The following RUFY2 variants were observed in gnomAD, a reference collection of about 807,000 sequenced individuals.
The protein encoded by RUFY2 is RUN and FYVE domain containing 2, also known as RUN and FYVE domain-containing protein 2.
RUFY2 carries 49 observed loss-of-function variants against 94.4 expected under a neutral mutation model. The observed-to-expected ratio is 0.52, with a 90% CI of 0.41 to 0.66. The LOEUF (loss-of-function observed/expected upper bound fraction) is 0.66. Among genes scored for constraint, RUFY2 ranks in the 30% least tolerant of loss-of-function variants. The pLI, the probability that RUFY2 is intolerant of heterozygous loss-of-function variation, is 0.00. For missense variants in RUFY2, 541 were observed against 692.8 expected (o/e 0.78, Z 2.46); for synonymous variants, 255 against 235.7 (o/e 1.08, Z -0.75).
At chr10:68,366,739 A>AAT (rs35377318) in intron 13 of RUFY2, among the ~76,000 whole-genome samples, 7,989 of 117,794 alleles carry the variant, frequency 0.068, 521 homozygotes, top group African/African-American at 0.16. Context: ...GAGACTCTAA[A>AAT]ATATATATAT....
At chr10:68,341,658 A>AGGCTACGGAAGAGATGGAATGGGT (rs1477045821), downstream of RUFY2, 2 of 1,613,192 alleles carry the variant, frequency 1.2e-6, no homozygotes, top group South Asian at 1.1e-5. Flanking sequence ...CTGGAATGGG[A>AGGCTACGGAAGAGATGGAATGGGT]GGCTACGGAA....
Position 68,396,656 on chromosome 10 carries a change from CCTCTT to C in RUFY2, c.398+119_398+123del. 5.3e-6 allele frequency: 3 copies of C among 570,946 alleles called. No homozygotes were observed. In the Admixed American group the frequency reaches 9.3e-5, roughly 18 times the overall value. The allele number at this position is 570,946 out of a possible 1,614,324, so 35.4% of individuals were successfully genotyped here. On this transcript the variant is annotated intron_variant, in intron 4 of 17. Transcript: ENST00000602465. ...TGTTTTTCTGTCTCATTTTGCTCCTCCTCTTATTTTATATCATTTTATTATATGTT... is the reference window on the plus strand; with the variant it reads ...TGTTTTTCTGTCTCATTTTGCTCCTCATTTTATATCATTTTATTATATGTT...
At chr10:68,348,014 A>C (rs1379428389) in intron 16 of RUFY2, among the ~76,000 whole-genome samples, 1 of 152,186 alleles carries the variant, frequency 6.6e-6, no homozygotes, top group Non-Finnish European at 1.5e-5. Flanking sequence ...TTTGTTTCAC[A>C]GTCTTAATAA....
Position 68,401,713 on chromosome 10 carries a change from T to C in RUFY2, c.203A>G (p.Asn68Ser), listed in dbSNP as rs1434243834. 1.6e-5 allele frequency: 26 copies of C among 1,613,036 alleles called. No individual in the cohort carries two copies. Among genetic ancestry groups the C allele is most frequent in the Middle Eastern group, 1.7e-4 (1 of 6,060 alleles). ...TTCCAAAGGGCCCCAGATGGTTTTG[T>C]TGTAACTCAAAAATGATTTTCTTAC... ...LKVRKSFLSY[N>S]KTIWGPLELV... Residue 68 changes from asparagine to serine, a missense_variant, in exon 3 of 18, where the codon AAC becomes AGC. Physicochemically the swap from Asn to Ser is conservative, Grantham distance 46 (BLOSUM62 1). Around this residue, in one of 3 missense-constraint regions of RUFY2, gnomAD observed 85 missense variants for 153.4 expected, o/e 0.55. Transcript: ENST00000602465.
intron 16 of RUFY2, among the ~76,000 whole-genome samples, chr10:68,347,112 T>TA (rs2134908628): frequency 6.6e-6 from 1 of 151,588 alleles, no homozygotes; most frequent in Admixed American, 6.6e-5. Flanking sequence ...TGAGCAAGAG[T>TA]GAGACCCTGT....
Position 68,405,702 on chromosome 10 carries a change from T to G in RUFY2, c.5-858A>C, listed in dbSNP as rs978106834. Reference sequence around the variant, plus strand: ...GACACAGAAGAAGCCGTCCAATTCTTTCGTCTACCCTCTTTCTGTCTGGCT... The same window carrying G: ...GACACAGAAGAAGCCGTCCAATTCTGTCGTCTACCCTCTTTCTGTCTGGCT... On this transcript the variant is annotated intron_variant, in intron 1 of 17. Coordinates refer to ENST00000602465, the MANE Select transcript of RUFY2 (RefSeq NM_001330103.2). The G allele has an allele frequency of 3.0e-6, 3 of 984,518 alleles. No individual in the cohort carries two copies. The Admixed American group carries it at 1.8e-4, about 61-fold the overall frequency. The allele number at this position is 984,518 out of a possible 1,614,324, so 61.0% of individuals were successfully genotyped here.
At chr10:68,387,152 T>G (rs894804967) in intron 7 of RUFY2, among the ~76,000 whole-genome samples, 8 of 151,526 alleles carry the variant, frequency 5.3e-5, no homozygotes, top group Non-Finnish European at 2.9e-5. Flanking sequence ...AAGTCAGGAG[T>G]TGGAGATCAG....
chr10:68,406,845 C>G, intron 1 of RUFY2: 1 of 1,612,368 alleles, frequency 6.2e-7, no homozygotes, highest in Non-Finnish European at 8.5e-7. Flanking sequence ...TCCGCCACCC[C>G]CAAACCTGAA....
chr10:68,375,985 A>T (rs2048608745), intron 13 of RUFY2, among the ~76,000 whole-genome samples: 1 of 151,886 alleles, frequency 6.6e-6, no homozygotes, highest in Non-Finnish European at 1.5e-5. Context: ...CTGTAGTCCC[A>T]GCTACTCGGG....
intron 15 of RUFY2, among the ~76,000 whole-genome samples, chr10:68,356,525 A>G (rs1164139571): frequency 3.3e-5 from 5 of 151,788 alleles, no homozygotes; most frequent in East Asian, 3.9e-4. Context: ...CAAAAAAGAA[A>G]ATACTGTGGA....
Position 68,394,098 on chromosome 10 carries a change from T to C in RUFY2, c.561A>G (p.Glu187=). ...ACCTTTCTTTATTTCCAATATCTTC[T>C]TCATTCTTTAAATACATAGAAAAAT... The part of the protein sequence containing the change: ...VIDFSMYLKN[E]EDIGNKERNV... The change falls in exon 6 of 18, where the codon GAA becomes GAG. Residue 187 remains glutamate, a synonymous_variant. Coordinates refer to ENST00000602465, the MANE Select transcript of RUFY2 (RefSeq NM_001330103.2). 1.3e-6 allele frequency: 2 copies of C among 1,508,748 alleles called. No homozygotes were observed. The highest frequency in any genetic ancestry group is 1.8e-6 in the Non-Finnish European group (2 of 1,123,678). The allele number at this position is 1,508,748 out of a possible 1,614,324, so 93.5% of individuals were successfully genotyped here.
At chr10:68,386,963 CCT>C (rs904426805) in intron 7 of RUFY2, among the ~76,000 whole-genome samples, 4 of 152,072 alleles carry the variant, frequency 2.6e-5, no homozygotes, top group Non-Finnish European at 5.9e-5. Context: ...AGCTAAACAC[CCT>C]GTCTTTCAAA....
chr10:68,347,243 A>C (rs1263731309), intron 16 of RUFY2, among the ~76,000 whole-genome samples: 1 of 150,280 alleles, frequency 6.7e-6, no homozygotes, highest in Non-Finnish European at 1.5e-5. Context: ...AAATGGATGT[A>C]AGTAGTCTTA....
At chr10:68,397,904 G>A (rs535341673) in intron 3 of RUFY2, among the ~76,000 whole-genome samples, 3 of 151,782 alleles carry the variant, frequency 2.0e-5, no homozygotes, top group Non-Finnish European at 2.9e-5. Flanking sequence ...CGAGGCGAGC[G>A]GATCACAAGG....
At chr10:68,351,121 CA>C (rs1564777549) in intron 16 of RUFY2, among the ~76,000 whole-genome samples, 16 of 119,538 alleles carry the variant, frequency 1.3e-4, no homozygotes, top group African/African-American at 5.0e-4. Context: ...TGTATCCATA[CA>C]TTTTTTTTTT....
chr10:68,364,145 T>C, intron 13 of RUFY2, 32 bp from the exon 14 acceptor site: 1 of 1,591,772 alleles, frequency 6.3e-7, no homozygotes, highest in Non-Finnish European at 8.6e-7. Context: ...AGAAGCTCAG[T>C]GCTATTTCTC....
At chr10:68,384,307 C>A (rs1164342637) in intron 8 of RUFY2, among the ~76,000 whole-genome samples, 155 bp from the exon 9 acceptor site, 2 of 152,090 alleles carry the variant, frequency 1.3e-5, no homozygotes, top group African/African-American at 4.8e-5. Context: ...AAAACACGCT[C>A]GTTATTATCC....
intron 3 of RUFY2, among the ~76,000 whole-genome samples, chr10:68,400,819 T>C (rs917790791): frequency 1.2e-4 from 18 of 151,810 alleles, no homozygotes; most frequent in Non-Finnish European, 2.5e-4. Flanking sequence ...GAGACCATTC[T>C]AGCTAACATG....
At chr10:68,360,670 C>A (rs1282471644) in intron 15 of RUFY2, among the ~76,000 whole-genome samples, 1 of 151,970 alleles carries the variant, frequency 6.6e-6, no homozygotes, top group Non-Finnish European at 1.5e-5. Flanking sequence ...AGGACGTGAA[C>A]CCGGCAGGCA....
Sources: allele counts gnomAD v4.1 joint callset (sites outside exome capture counted in the v4.1 genomes callset), GRCh38; gene constraint gnomAD v4.1.1; regional missense constraint gnomAD v4.1.1; transcripts MANE v1.5; gene names NCBI Gene and HGNC (gene_info 2026-07-23, HGNC 2026-07-21).